The following PCDH15 variants were observed in gnomAD, a reference collection of about 807,000 sequenced individuals.
PCDH15 encodes protocadherin related 15.
A neutral mutation model predicts 178.5 loss-of-function variants in PCDH15; 129 were observed. That is an observed-to-expected ratio of 0.72 (90% CI 0.63 to 0.84). The LOEUF (loss-of-function observed/expected upper bound fraction) is 0.84. PCDH15 is among the 40% of genes least tolerant of loss of function. The pLI, the probability that PCDH15 is intolerant of heterozygous loss-of-function variation, is 0.00. For synonymous variants in PCDH15, 800 were observed against 732.0 expected (o/e 1.09, Z -1.50); for missense variants, 2,230 against 2,099.9 (o/e 1.06, Z -1.21).
In PCDH15 at chr10:54,187,064, G is replaced by A. The variant is rs575652849; in HGVS notation, c.1306-1796C>T. On this transcript the variant is annotated intron_variant, in intron 11 of 37. Coordinates refer to ENST00000644397, the MANE Select transcript of PCDH15 (RefSeq NM_001384140.1). ...ATTTACCTAATCACTGGGCTTTTAA[G>A]CACATATACACTTCTCTAAATGCAC... Among the ~76,000 whole-genome samples, 14 of 152,020 alleles carry A rather than the reference G, an allele frequency of 9.2e-5. No homozygotes were observed. The East Asian group carries it at 2.5e-3, about 27-fold the overall frequency.
At chr10:55,147,093 A>AT (rs1368046960) in intron 2 of PCDH15, among the ~76,000 whole-genome samples, 1 of 151,722 alleles carries the variant, frequency 6.6e-6, no homozygotes, top group East Asian at 1.9e-4. Context: ...ATAAATTACA[A>AT]TTTTAAATTT....
intron 2 of PCDH15, among the ~76,000 whole-genome samples, chr10:54,638,230 G>C (rs2093908215): frequency 6.6e-6 from 1 of 152,000 alleles, no homozygotes; most frequent in African/African-American, 2.4e-5. Flanking sequence ...TACATTATGA[G>C]ACTGGATTGG....
chr10:54,778,149 A>G (rs1949905632), intron 1 of PCDH15, among the ~76,000 whole-genome samples: 1 of 152,186 alleles, frequency 6.6e-6, no homozygotes, highest in Admixed American at 6.6e-5. Flanking sequence ...GATGCTAGAA[A>G]AGCAAATGAG....
chr10:53,825,177 A>G (rs554962386), intron 32 of PCDH15: 9 of 1,521,306 alleles, frequency 5.9e-6, no homozygotes, highest in Non-Finnish European at 7.9e-6. Context: ...AAAACATGTG[A>G]TAGAAAAAAA....
At chr10:55,012,566 A>C (rs1041599635) in intron 2 of PCDH15, among the ~76,000 whole-genome samples, 4 of 152,134 alleles carry the variant, frequency 2.6e-5, no homozygotes, top group African/African-American at 4.8e-5. Context: ...CAAGGTCATC[A>C]AATGTCTTCT....
chr10:54,541,989 A>G (rs961020453), intron 2 of PCDH15, among the ~76,000 whole-genome samples: 4 of 152,228 alleles, frequency 2.6e-5, no homozygotes, highest in Non-Finnish European at 5.9e-5. Flanking sequence ...CTTAAGCTGC[A>G]TTAAAAAAAG....
intron 25 of PCDH15, among the ~76,000 whole-genome samples, chr10:53,935,122 AT>A (rs569785981): frequency 2.0e-5 from 3 of 152,092 alleles, no homozygotes; most frequent in African/African-American, 4.8e-5. Context: ...GTCATTACAC[AT>A]TTTTTTACAG....
chr10:54,656,606 C>T (rs2094411021), intron 2 of PCDH15, among the ~76,000 whole-genome samples: 1 of 152,132 alleles, frequency 6.6e-6, no homozygotes, highest in Non-Finnish European at 1.5e-5. Flanking sequence ...CATTGAGTCA[C>T]CACATCACAA....
chr10:54,361,319 A>C (rs1382695056), intron 5 of PCDH15, among the ~76,000 whole-genome samples: 2 of 152,104 alleles, frequency 1.3e-5, no homozygotes, highest in African/African-American at 4.8e-5. Flanking sequence ...CCTCAAAAAG[A>C]AATGCTTCAT....
chr10:53,995,935 A>G (rs1030759896), intron 20 of PCDH15, among the ~76,000 whole-genome samples, 170 bp from the exon 21 acceptor site: 3 of 152,128 alleles, frequency 2.0e-5, no homozygotes, highest in Non-Finnish European at 4.4e-5. Flanking sequence ...GGAAACTGCC[A>G]GAGTTCTCAT....
intron 6 of PCDH15, among the ~76,000 whole-genome samples, chr10:54,345,173 A>G (rs894252904): frequency 3.9e-5 from 6 of 151,928 alleles, no homozygotes; most frequent in Admixed American, 3.3e-4. Context: ...ACTACTTTTA[A>G]CTGATTTGTG....
At chr10:54,729,315 G>A (rs1243553086) in intron 1 of PCDH15, among the ~76,000 whole-genome samples, 1 of 151,568 alleles carries the variant, frequency 6.6e-6, no homozygotes, top group African/African-American at 2.4e-5. Context: ...AACAACCAAT[G>A]GGAAACAACT....
intron 3 of PCDH15, among the ~76,000 whole-genome samples, chr10:54,509,572 C>T (rs759819474): frequency 6.6e-6 from 1 of 152,108 alleles, no homozygotes; most frequent in Non-Finnish European, 1.5e-5. Context: ...GTGTCTCTGC[C>T]TGTCAGTTCT....
chr10:54,038,877 T>C (rs1302367246), intron 18 of PCDH15, among the ~76,000 whole-genome samples: 1 of 152,006 alleles, frequency 6.6e-6, no homozygotes, highest in African/African-American at 2.4e-5. Flanking sequence ...ATATCATTCA[T>C]TGTTTTCAAA....
intron 1 of PCDH15, among the ~76,000 whole-genome samples, chr10:55,312,518 A>G (rs952050840): frequency 6.6e-6 from 1 of 152,152 alleles, no homozygotes; most frequent in Non-Finnish European, 1.5e-5. Flanking sequence ...TCTTACTTAA[A>G]AAAAGGCAAA....
In PCDH15 at chr10:55,491,748, G is replaced by T. The variant is rs187767735; in HGVS notation, c.-156+135877C>A. Reference sequence around the variant, plus strand: ...GAAGAATTTGTAAAAGTCTTGGTGGGGAACAATTAAGAAGAAATGTCAGCT... The same window carrying T: ...GAAGAATTTGTAAAAGTCTTGGTGGTGAACAATTAAGAAGAAATGTCAGCT... On this transcript the variant is annotated intron_variant, in intron 2 of 5. Coordinates refer to the PCDH15 transcript ENST00000613346. Among the ~76,000 whole-genome samples, 96 of 150,804 alleles carry T rather than the reference G, an allele frequency of 6.4e-4. 1 individual carries two copies. The South Asian group carries it at 0.014, about 21-fold the overall frequency.
intron 3 of PCDH15, among the ~76,000 whole-genome samples, chr10:54,833,548 T>C (rs552148453): frequency 6.6e-6 from 1 of 152,272 alleles, no homozygotes; most frequent in South Asian, 2.1e-4. Flanking sequence ...GCTTGCACCA[T>C]GGATTTCAGA....
intron 2 of PCDH15, among the ~76,000 whole-genome samples, chr10:55,078,089 G>T (rs1484080592): frequency 6.6e-6 from 1 of 152,086 alleles, no homozygotes. Flanking sequence ...TTTTTCTGGA[G>T]TTAGTATCCT....
At chr10:54,438,914 A>G in intron 3 of PCDH15, among the ~76,000 whole-genome samples, 1 of 152,134 alleles carries the variant, frequency 6.6e-6, no homozygotes, top group Non-Finnish European at 1.5e-5. Flanking sequence ...TAGAATGCCT[A>G]GTCCTCTCTT....
Sources: gnomAD v4.1 joint callset for allele counts (sites outside exome capture counted in the v4.1 genomes callset) on GRCh38, gnomAD v4.1.1 for gene constraint, MANE v1.5 for transcripts, NCBI Gene and HGNC (gene_info 2026-07-23, HGNC 2026-07-21) for gene names.